CNOT10: variants seen among roughly 807,000 people sequenced by gnomAD.
The protein encoded by CNOT10 is CCR4-NOT transcription complex, subunit 10.
Under a neutral mutation model 94.6 loss-of-function variants are expected in CNOT10, and 30 were observed. The ratio of observed to expected loss-of-function variants is 0.32; its 90% CI spans 0.24 to 0.43. The LOEUF (loss-of-function observed/expected upper bound fraction) is 0.43. Ranked by LOEUF, CNOT10 falls within the 20% of genes least tolerant of loss-of-function variation. The pLI, the probability that CNOT10 is intolerant of heterozygous loss-of-function variation, is 1.00. For missense variants in CNOT10, 759 were observed against 877.2 expected (o/e 0.87, Z 1.70); for synonymous variants, 289 against 301.6 (o/e 0.96, Z 0.43).
chr3:32,762,964 A>G, intron 15 of CNOT10, 101 bp downstream of exon 15: 1 of 1,326,460 alleles, frequency 7.5e-7, no homozygotes, highest in Non-Finnish European at 9.9e-7. Context: ...TAATGAGAAG[A>G]AAGTTTTAGG....
intron 10 of CNOT10, among the ~76,000 whole-genome samples, chr3:32,731,663 G>A (rs982776031): frequency 1.3e-5 from 2 of 152,088 alleles, no homozygotes; most frequent in Non-Finnish European, 2.9e-5. Flanking sequence ...TCTTTGTAGA[G>A]GTGGAGTTTC....
rs75370727 is a variant in CNOT10 at position 32,704,438 on chromosome 3, A to G, written c.118-373A>G. 2.6e-3 allele frequency among the ~76,000 whole-genome samples: 401 copies of G among 152,328 alleles called. 2 individuals are homozygous for G. The highest frequency in any genetic ancestry group is 5.0e-3 in the Non-Finnish European group (343 of 68,012). On this transcript the variant is annotated intron_variant, in intron 2 of 18. Transcript: ENST00000328834. ...ATCAGGTTACGTGCATGTAAGCAGA[A>G]GAACTTGATGCTTGGGTATTTAAAA...
At chr3:32,765,864 C>A (rs1303335328) in intron 17 of CNOT10, among the ~76,000 whole-genome samples, 1 of 52,482 alleles carries the variant, frequency 1.9e-5, no homozygotes, top group Non-Finnish European at 4.3e-5. Context: ...TTCTGTATAA[C>A]CCTGTATACA....
intron 10 of CNOT10, chr3:32,730,506 A>AGC (rs1698895932): frequency 6.6e-6 from 1 of 152,194 alleles, no homozygotes; most frequent in Non-Finnish European, 1.5e-5. Context: ...CACCAGTAAT[A>AGC]TCTTTGTGCT....
intron 7 of CNOT10, 83 bp downstream of exon 7, chr3:32,717,320 C>T: frequency 1.2e-6 from 1 of 828,494 alleles, no homozygotes; most frequent in Non-Finnish European, 1.9e-6. Flanking sequence ...AATAATTTAT[C>T]TTAGTCTTTT....
rs562624357 is a variant in CNOT10, at chr3:32,765,769, A to G, written c.2004+960A>G. On this transcript the variant is annotated intron_variant, in intron 17 of 18. Transcript: ENST00000328834. ...AAATAATAGTGCATCTGTACAGTTG[A>G]AGACAATGCAGCTATAAACTCTAGG... 2.0e-4 allele frequency among the ~76,000 whole-genome samples: 11 copies of G among 53,710 alleles called. 5 individuals are homozygous for G. The East Asian group carries it at 5.9e-3, about 29-fold the overall frequency. 35.2% of individuals were successfully genotyped at this position (53,710 alleles called of 152,430 possible).
intron 4 of CNOT10, among the ~76,000 whole-genome samples, chr3:32,712,277 C>G (rs1575225421): frequency 1.3e-5 from 2 of 151,896 alleles, no homozygotes. Context: ...CTTCTGCCTT[C>G]AGGCAGGTAA....
At chr3:32,725,236 A>T (rs1001606388) in intron 8 of CNOT10, among the ~76,000 whole-genome samples, 2 of 152,220 alleles carry the variant, frequency 1.3e-5, no homozygotes, top group Admixed American at 6.5e-5. Flanking sequence ...TGGTTTTTTT[A>T]AAATAATTTG....
At chr3:32,706,465 T>C (rs974175257) in intron 3 of CNOT10, among the ~76,000 whole-genome samples, 1 of 152,246 alleles carries the variant, frequency 6.6e-6, no homozygotes. Flanking sequence ...GTGTTTGTAC[T>C]TGTGGTTACT....
chr3:32,755,249 A>G (rs1700172494), intron 13 of CNOT10, among the ~76,000 whole-genome samples: 1 of 151,636 alleles, frequency 6.6e-6, no homozygotes, highest in Non-Finnish European at 1.5e-5. Flanking sequence ...TCCATATCAA[A>G]AAAAAAAGAA....
At chr3:32,730,743 G>A (rs1698905020) in intron 10 of CNOT10, 1 of 152,146 alleles carries the variant, frequency 6.6e-6, no homozygotes, top group African/African-American at 2.4e-5. Context: ...ACTTGTTTAT[G>A]CTAAGGAGGA....
chr3:32,688,158 T>A lies in CNOT10; in HGVS notation c.22+2676T>A, dbSNP rs572766567. Among the ~76,000 whole-genome samples, 8 of 152,338 alleles carry A rather than the reference T, an allele frequency of 5.3e-5. No individual in the cohort carries two copies. The South Asian group carries it at 1.7e-3, about 32-fold the overall frequency. Reference sequence around the variant, plus strand: ...TTGTGATATTAATTTATTCAGTAAATATTCACCAATGGCCTGTTTTGCCAG... The same window carrying A: ...TTGTGATATTAATTTATTCAGTAAAAATTCACCAATGGCCTGTTTTGCCAG... On this transcript the variant is annotated intron_variant, in intron 1 of 18. Transcript: ENST00000328834.
chr3:32,762,245 C>T (rs930080599), intron 14 of CNOT10, among the ~76,000 whole-genome samples: 11 of 149,172 alleles, frequency 7.4e-5, no homozygotes, highest in East Asian at 2.0e-4. Context: ...GGGCGGATCA[C>T]GAGATCAGGA....
chr3:32,699,569 G>A (rs1442734950), intron 1 of CNOT10, among the ~76,000 whole-genome samples: 1 of 152,180 alleles, frequency 6.6e-6, no homozygotes, highest in Non-Finnish European at 1.5e-5. Flanking sequence ...TTGAAGATAA[G>A]GGAGTTTGTT....
At chr3:32,740,187 G>A (rs1361624027) in intron 13 of CNOT10, among the ~76,000 whole-genome samples, 1 of 152,202 alleles carries the variant, frequency 6.6e-6, no homozygotes, top group African/African-American at 2.4e-5. Context: ...CATGCTGGGT[G>A]CGGTGGCTCA....
intron 13 of CNOT10, among the ~76,000 whole-genome samples, chr3:32,742,995 T>TA (rs1699538268): frequency 6.6e-6 from 1 of 151,378 alleles, no homozygotes; most frequent in South Asian, 2.1e-4. Flanking sequence ...TTTTTTTTTT[T>TA]TTTTTTTTGA....
At chr3:32,754,234 T>C (rs1700097052) in intron 13 of CNOT10, among the ~76,000 whole-genome samples, 5 of 151,598 alleles carry the variant, frequency 3.3e-5, no homozygotes, top group Admixed American at 3.3e-4. Context: ...TCCCAGCACT[T>C]TGGGAGGCTG....
intron 1 of CNOT10, among the ~76,000 whole-genome samples, chr3:32,699,499 C>T (rs1697233439): frequency 6.6e-6 from 1 of 152,148 alleles, no homozygotes; most frequent in African/African-American, 2.4e-5. Context: ...TTCATATTTA[C>T]TCTTCTTTCA....
At chr3:32,764,513 C>T (rs1466638292) in intron 16 of CNOT10, 23 bp downstream of exon 16, 1 of 1,611,994 alleles carries the variant, frequency 6.2e-7, no homozygotes, top group Admixed American at 1.7e-5. Context: ...TTTTGTGATA[C>T]TTAAGTAGCC....
Sources: allele counts gnomAD v4.1 joint callset (sites outside exome capture counted in the v4.1 genomes callset), GRCh38; gene constraint gnomAD v4.1.1; transcripts MANE v1.5; gene names NCBI Gene and HGNC (gene_info 2026-07-23, HGNC 2026-07-21).